Variants in TGFBR2 observed in about 807,000 individuals in gnomAD.
TGFBR2 encodes TGF-beta receptor type-2.
Under a neutral mutation model 49.0 loss-of-function variants are expected in TGFBR2, and 18 were observed. The ratio of observed to expected loss-of-function variants is 0.37; its 90% confidence interval spans 0.25 to 0.54. The LOEUF (loss-of-function observed/expected upper bound fraction) is 0.54, where lower values mean the gene tolerates loss of function less well. Ranked by LOEUF, TGFBR2 falls within the 20% of genes least tolerant of loss-of-function variation. TGFBR2 has a pLI of 0.85. For missense variants in TGFBR2, 525 were observed against 722.6 expected (o/e 0.73, Z 3.13); for synonymous variants, 282 against 275.9 (o/e 1.02, Z -0.22).
chr3:30,613,817 C>A (rs958428966), intron 1 of TGFBR2, among the ~76,000 whole-genome samples: 1 of 152,160 alleles, frequency 6.6e-6, no homozygotes, highest in South Asian at 2.1e-4. Flanking sequence ...AGTTTGCTAG[C>A]TTGATTTGTA....
At chr3:30,647,204 C>A (rs1196583165) in intron 2 of TGFBR2, among the ~76,000 whole-genome samples, 1 of 152,196 alleles carries the variant, frequency 6.6e-6, no homozygotes, top group African/African-American at 2.4e-5. Context: ...CATGGGTAGC[C>A]ATCATCCCAT....
Position 30,692,492 on chromosome 3 carries a change from T to C in TGFBR2, c.*893T>C, listed in dbSNP as rs537031470. On this transcript the variant is annotated 3_prime_UTR_variant, in exon 7 of 7. Transcript: ENST00000295754. The stretch of plus-strand genomic sequence containing the variant: ...ACCATCTACTAATGAAAAATTGTTC[T>C]TTTTTTCATCTTTCCCCTGCACTTA... 2.1e-5 allele frequency: 5 copies of C among 232,902 alleles called. No individual in the cohort carries two copies. Among genetic ancestry groups the C allele is most frequent in the East Asian group, 6.0e-5 (1 of 16,662 alleles). 14.4% of individuals were successfully genotyped at this position (232,902 alleles called of 1,614,324 possible).
At chr3:30,658,886 C>T (rs1190834768) in intron 3 of TGFBR2, among the ~76,000 whole-genome samples, 1 of 152,154 alleles carries the variant, frequency 6.6e-6, no homozygotes, top group Non-Finnish European at 1.5e-5. Flanking sequence ...TTGCTTTACA[C>T]CATCCAGCAA....
chr3:30,663,036 T>C (rs1699166047), intron 3 of TGFBR2, among the ~76,000 whole-genome samples: 1 of 152,198 alleles, frequency 6.6e-6, no homozygotes, highest in Non-Finnish European at 1.5e-5. Context: ...TGACTGCTGG[T>C]CTGCGGGCAC....
intron 1 of TGFBR2, among the ~76,000 whole-genome samples, chr3:30,620,206 A>G (rs17025760): frequency 0.044 from 6,695 of 152,214 alleles, 198 homozygotes; most frequent in Non-Finnish European, 0.066. Flanking sequence ...AAAACAAAAC[A>G]AAACTCTTAC....
rs1699748034 is a variant in TGFBR2, at chr3:30,693,511, G to C, written c.*1912G>C. On this transcript the variant is annotated 3_prime_UTR_variant, in exon 7 of 7. Transcript: ENST00000295754. ...GTAGTGAGAATATCAGCTCTGTTTG[G>C]ATGGTGGAAGGTCTCATTTTATTGA... 4.3e-6 allele frequency: 1 copy of C among 233,470 alleles called. No homozygotes were observed. The highest frequency in any genetic ancestry group is 2.2e-5 in the African/African-American group (1 of 45,336). 14.5% of individuals were successfully genotyped at this position (233,470 alleles called of 1,614,324 possible).
chr3:30,620,177 ACT>A (rs570709255), intron 1 of TGFBR2, among the ~76,000 whole-genome samples: 3 of 152,084 alleles, frequency 2.0e-5, no homozygotes, highest in Non-Finnish European at 4.4e-5. Context: ...ACAGAGTGAG[ACT>A]CTGTCTCAAA....
At chr3:30,607,049 T>C in intron 1 of TGFBR2, 72 bp downstream of exon 1, 1 of 1,358,702 alleles carries the variant, frequency 7.4e-7, no homozygotes. Flanking sequence ...TCCGCTGCGC[T>C]TGACAGTCGG....
At chr3:30,690,900 G>A (rs764232919) in intron 6 of TGFBR2, among the ~76,000 whole-genome samples, 1 of 152,164 alleles carries the variant, frequency 6.6e-6, no homozygotes. Flanking sequence ...ATAATGATAC[G>A]TCAGTGTTAG....
At chr3:30,607,089 G>A in intron 1 of TGFBR2, 112 bp downstream of exon 1, 1 of 894,146 alleles carries the variant, frequency 1.1e-6, no homozygotes, top group Non-Finnish European at 1.7e-6. Context: ...GGGCGGAAAC[G>A]AGGAAAGTTT....
rs934192429 is a variant in TGFBR2, at chr3:30,676,049, C to T, written c.1396+1803C>T. On this transcript the variant is annotated intron_variant, in intron 5 of 6. Coordinates refer to ENST00000295754, the MANE Select transcript of TGFBR2 (RefSeq NM_003242.6). The surrounding 1 kb of genome is among the most constrained non-coding windows in gnomAD (Gnocchi z 4.3). The stretch of plus-strand genomic sequence containing the variant: ...AAAAAGTTTAAGACAGTTATTTAGA[C>T]GGTCTCTCACTTTGGGTTTCACTAA... 7.9e-5 allele frequency among the ~76,000 whole-genome samples: 12 copies of T among 152,098 alleles called. No homozygotes were observed. The highest frequency in any genetic ancestry group is 1.2e-4 in the African/African-American group (5 of 41,416).
In TGFBR2 at chr3:30,674,221, G is replaced by T. The variant is rs1218684641; in HGVS notation, c.1371G>T (p.Met457Ile). The change falls in exon 5 of 7, where the codon ATG (methionine) becomes ATT (isoleucine). Residue 457 changes from methionine (M) to isoleucine (I), a missense_variant. By Grantham distance (10) the Met-to-Ile change is conservative. This residue lies in a region of TGFBR2 where 45 missense variants were observed against 111.0 expected (regional missense o/e 0.41). Transcript: ENST00000295754. ...CCATGGCTCTGGTGCTCTGGGAAAT[G>T]ACATCTCGCTGTAATGCAGTGGGAG... ...VYSMALVLWE[M>I]TSRCNAVGEV... The T allele has an allele frequency of 1.9e-6, 3 of 1,614,046 alleles. No individual in the cohort carries two copies. In the South Asian group the frequency reaches 3.3e-5, roughly 18 times the overall value.
intron 5 of TGFBR2, among the ~76,000 whole-genome samples, chr3:30,682,865 G>A (rs1272514030): frequency 6.6e-6 from 1 of 152,174 alleles, no homozygotes; most frequent in African/African-American, 2.4e-5. Context: ...GCCCCATCAA[G>A]GCAGGGAGGG....
rs1430147335 is a variant in TGFBR2, at chr3:30,672,826, G to A, written c.1254+389G>A. Among the ~76,000 whole-genome samples, 1 of 152,052 alleles carries A rather than the reference G, an allele frequency of 6.6e-6. No individual in the cohort carries two copies. Among genetic ancestry groups the A allele is most frequent in the Non-Finnish European group, 1.5e-5 (1 of 68,004 alleles). On this transcript the variant is annotated intron_variant, in intron 4 of 6. Coordinates refer to ENST00000295754, the MANE Select transcript of TGFBR2 (RefSeq NM_003242.6). The surrounding 1 kb of genome is among the most constrained non-coding windows in gnomAD (Gnocchi z 4.5). ...TAGCTGTAGTTGTGTTGGTTTCTTT[G>A]TATTAAAAGCATCGTGGAAGGCAAT...
intron 1 of TGFBR2, among the ~76,000 whole-genome samples, chr3:30,607,813 T>TAA (rs1491351682): frequency 0.012 from 1,670 of 137,768 alleles, 24 homozygotes; most frequent in South Asian, 0.052. Flanking sequence ...TATATATATA[T>TAA]TATATATATA....
At chr3:30,628,528 GTTTT>G (rs569832149) in intron 1 of TGFBR2, among the ~76,000 whole-genome samples, 42 of 80,188 alleles carry the variant, frequency 5.2e-4, no homozygotes, top group South Asian at 1.9e-3. Context: ...AAGCCTGTGG[GTTTT>G]TTTTTTTTTT....
At chr3:30,685,130 G>T (rs550174955) in intron 5 of TGFBR2, among the ~76,000 whole-genome samples, 1 of 152,206 alleles carries the variant, frequency 6.6e-6, no homozygotes, top group African/African-American at 2.4e-5. Flanking sequence ...TTCTGACCAT[G>T]AGTATAGGGA....
rs1215883358 is a variant in TGFBR2, at chr3:30,693,455, T to G, written c.*1856T>G. 4.3e-6 allele frequency: 1 copy of G among 233,600 alleles called. No homozygotes were observed. Among genetic ancestry groups the G allele is most frequent in the Non-Finnish European group, 8.5e-6 (1 of 117,960 alleles). The allele number at this position is 233,600 out of a possible 1,614,324, so 14.5% of individuals were successfully genotyped here. A position where few individuals can be genotyped will look rare whatever the true frequency, so the allele number is the denominator to read the frequency against. The stretch of plus-strand genomic sequence containing the variant: ...TAAAACTTTTTGAAGCTACTTATTT[T>G]CAGCCAAATAGGAATATTAGAGAGG... On this transcript the variant is annotated 3_prime_UTR_variant, in exon 7 of 7. Transcript: ENST00000295754.
At chr3:30,689,061 G>T (rs1699669512) in intron 6 of TGFBR2, among the ~76,000 whole-genome samples, 1 of 152,152 alleles carries the variant, frequency 6.6e-6, no homozygotes, top group South Asian at 2.1e-4. Context: ...CCTCACTCTG[G>T]AATTAAGGAA....
Sources: gnomAD v4.1 joint callset for allele counts (sites outside exome capture counted in the v4.1 genomes callset) on GRCh38, gnomAD v4.1.1 for gene constraint, gnomAD v4.1.1 regional missense constraint, Gnocchi (gnomAD v3.1) non-coding constraint, MANE v1.5 for transcripts, NCBI Gene and HGNC (gene_info 2026-07-23, HGNC 2026-07-21) for gene names.